Variants in ABAT observed in about 807,000 individuals in gnomAD.
ABAT encodes the protein 4-aminobutyrate aminotransferase, mitochondrial.
A neutral mutation model predicts 64.6 loss-of-function variants in ABAT; 45 were observed. The observed-to-expected ratio is 0.70, with a 90% CI of 0.55 to 0.89. The LOEUF (loss-of-function observed/expected upper bound fraction) is 0.89. Among genes scored for constraint, ABAT ranks in the 40% least tolerant of loss-of-function variants. ABAT has a pLI of 0.00. For missense variants in ABAT, 633 were observed against 658.4 expected (o/e 0.96, Z 0.42); for synonymous variants, 297 against 250.5 (o/e 1.19, Z -1.75).
intron 14 of ABAT, among the ~76,000 whole-genome samples, chr16:8,777,434 A>G (rs575678199): frequency 1.3e-5 from 2 of 152,230 alleles, no homozygotes; most frequent in Non-Finnish European, 2.9e-5. Flanking sequence ...TCTCAATTCC[A>G]GGCAATAGGA....
intron 1 of ABAT, among the ~76,000 whole-genome samples, chr16:8,708,462 G>A (rs2057998661): frequency 6.6e-6 from 1 of 151,924 alleles, no homozygotes; most frequent in African/African-American, 2.4e-5. Context: ...GGGTGGTGGG[G>A]GGCGCAGGTG....
At chr16:8,767,822 C>CTG (rs1291598189) in intron 9 of ABAT, among the ~76,000 whole-genome samples, 1 of 151,962 alleles carries the variant, frequency 6.6e-6, no homozygotes, top group Non-Finnish European at 1.5e-5. Context: ...ATTACAGGCC[C>CTG]CCACCACCAT....
At chr16:8,683,519 C>G (rs1596397298) in intron 1 of ABAT, 1 of 150,266 alleles carries the variant, frequency 6.7e-6, no homozygotes, top group East Asian at 2.0e-4. Flanking sequence ...CTACTGCACT[C>G]CAGCCTGGGC....
chr16:8,680,082 C>T (rs537379699), intron 1 of ABAT, among the ~76,000 whole-genome samples: 12 of 152,240 alleles, frequency 7.9e-5, no homozygotes, highest in African/African-American at 2.4e-4. Context: ...TAGTCTTCCC[C>T]GACCCTCCCC....
intron 2 of ABAT, among the ~76,000 whole-genome samples, chr16:8,740,917 A>T (rs532290365): frequency 1.7e-4 from 26 of 152,378 alleles, no homozygotes; most frequent in African/African-American, 5.8e-4. Context: ...AAGCAGAGCA[A>T]ACAACTCCAG....
chr16:8,721,233 A>T (rs1398308870), intron 1 of ABAT, among the ~76,000 whole-genome samples: 2 of 152,138 alleles, frequency 1.3e-5, no homozygotes, highest in Non-Finnish European at 2.9e-5. Flanking sequence ...AAGCAGTTTC[A>T]TATCCAGCAC....
rs376274347 is a variant in ABAT, at chr16:8,685,736, A to G, written c.-42+11025A>G. Reference sequence around the variant, plus strand: ...GAAAAAACAAAAAAACAAAAAACCAATGTTCAAGTGATGGAGAGGCATGGG... The same window carrying G: ...GAAAAAACAAAAAAACAAAAAACCAGTGTTCAAGTGATGGAGAGGCATGGG... On this transcript the variant is annotated intron_variant, in intron 1 of 15. Transcript: ENST00000268251. 4.6e-5 allele frequency among the ~76,000 whole-genome samples: 7 copies of G among 152,218 alleles called. No homozygotes were observed. The East Asian group carries it at 9.6e-4, about 21-fold the overall frequency.
intron 1 of ABAT, chr16:8,722,965 A>C (rs2058417512): frequency 1.1e-6 from 1 of 919,572 alleles, no homozygotes; most frequent in Admixed American, 2.4e-5. Flanking sequence ...CCAGCCAGGC[A>C]AGGTGGCTCA....
At chr16:8,746,758 T>C (rs1461489737) in intron 3 of ABAT, among the ~76,000 whole-genome samples, 5 of 149,936 alleles carry the variant, frequency 3.3e-5, no homozygotes, top group African/African-American at 9.8e-5. Context: ...ACAGAGGAGA[T>C]GTATCAGTTT....
At chr16:8,758,782 TAGAG>T (rs375186258) in intron 6 of ABAT, among the ~76,000 whole-genome samples, 434 of 152,236 alleles carry the variant, frequency 2.9e-3, no homozygotes, top group Non-Finnish European at 5.4e-3. Flanking sequence ...CGAAGAGAGA[TAGAG>T]AGCCATTGCA....
At chr16:8,777,919 C>G (rs1219042861) in intron 14 of ABAT, among the ~76,000 whole-genome samples, 1 of 152,092 alleles carries the variant, frequency 6.6e-6, no homozygotes. Flanking sequence ...AGTTTGAGAC[C>G]AGCCCGGGCA....
chr16:8,756,766 G>A (rs987118375), intron 5 of ABAT, among the ~76,000 whole-genome samples: 1 of 152,218 alleles, frequency 6.6e-6, no homozygotes, highest in African/African-American at 2.4e-5. Context: ...ACTACTGATG[G>A]ATGTTAGGTT....
At chr16:8,726,037 AT>A (rs1040996588) in intron 1 of ABAT, among the ~76,000 whole-genome samples, 2 of 151,112 alleles carry the variant, frequency 1.3e-5, no homozygotes, top group African/African-American at 2.4e-5. Context: ...ATTCTTTCTA[AT>A]TTTTTTTGTA....
rs139857138 is a variant in ABAT, at chr16:8,739,873, T to C, written c.70+4064T>C. ...GGCACATTTATGATTTAGAAAACCA[T>C]ATGGTGAGATTTTGTCTTCTCTTTT... is the stretch of plus-strand genomic sequence containing the variant. On this transcript the variant is annotated intron_variant, in intron 2 of 15. Transcript: ENST00000268251. Among the ~76,000 whole-genome samples, 871 of 151,788 alleles carry C rather than the reference T, an allele frequency of 5.7e-3. 3 individuals are homozygous for C. Among genetic ancestry groups the C allele is most frequent in the Middle Eastern group, 0.037 (11 of 294 alleles).
chr16:8,771,303 A>G (rs2060099235), intron 11 of ABAT, among the ~76,000 whole-genome samples: 1 of 151,896 alleles, frequency 6.6e-6, no homozygotes, highest in Non-Finnish European at 1.5e-5. Context: ...CTCAAAAAAA[A>G]AAAAAAGAAA....
intron 1 of ABAT, among the ~76,000 whole-genome samples, chr16:8,733,916 C>A (rs1357594536): frequency 6.6e-6 from 1 of 152,210 alleles, no homozygotes; most frequent in Non-Finnish European, 1.5e-5. Flanking sequence ...TGGCTTATTT[C>A]ACTTAGCATA....
At chr16:8,675,618 C>A (rs1041671747) in intron 1 of ABAT, among the ~76,000 whole-genome samples, 7 of 152,144 alleles carry the variant, frequency 4.6e-5, no homozygotes, top group African/African-American at 1.7e-4. Context: ...CAAGGTAAGA[C>A]TAGAGGGGGT....
In ABAT at chr16:8,757,756, G is replaced by C; in HGVS notation, c.317-1G>C. 1 of 1,614,078 alleles carries C rather than the reference G, an allele frequency of 6.2e-7. No individual in the cohort carries two copies. The highest frequency in any genetic ancestry group is 8.5e-7 in the Non-Finnish European group (1 of 1,179,948). Reference sequence around the variant, plus strand: ...CTCTAACAATACTCTCCTGCCCTCAGGTTACAGCCACCCCGCCCTGCTGAA... The same window carrying C: ...CTCTAACAATACTCTCCTGCCCTCACGTTACAGCCACCCCGCCCTGCTGAA... On this transcript the variant is annotated splice_acceptor_variant, in intron 5 of 15. Transcript: ENST00000268251. LOFTEE classifies it high-confidence loss of function.
In ABAT at chr16:8,746,328, G is replaced by A. The variant is rs150293840; in HGVS notation, c.168+230G>A. ...AACACTTTGAGAGGTTGAGGCGGGC[G>A]GATCACTTGAGGTCAGGAGTTCAAG... On this transcript the variant is annotated intron_variant, in intron 3 of 15. Transcript: ENST00000268251. 4.8e-3 allele frequency among the ~76,000 whole-genome samples: 724 copies of A among 151,944 alleles called. 4 individuals are homozygous for A. The highest frequency in any genetic ancestry group is 0.017 in the African/African-American group (697 of 41,492).
Sources: gnomAD v4.1 joint callset for allele counts (sites outside exome capture counted in the v4.1 genomes callset) on GRCh38, gnomAD v4.1.1 for gene constraint, MANE v1.5 for transcripts, NCBI Gene and HGNC (gene_info 2026-07-23, HGNC 2026-07-21) for gene names.